The following PPARGC1B variants were observed in gnomAD, a reference collection of about 807,000 sequenced individuals.
PPARGC1B encodes peroxisome proliferator-activated receptor gamma coactivator 1-beta.
A neutral mutation model predicts 101.6 loss-of-function variants in PPARGC1B; 34 were observed. The ratio of observed to expected loss-of-function variants is 0.33; its 90% CI spans 0.25 to 0.45. The LOEUF (loss-of-function observed/expected upper bound fraction) is 0.45. Among genes scored for constraint, PPARGC1B ranks in the 20% least tolerant of loss-of-function variants. The pLI, the probability that PPARGC1B is intolerant of heterozygous loss-of-function variation, is 1.00. For synonymous variants in PPARGC1B, 548 were observed against 539.3 expected (o/e 1.02, Z -0.22); for missense variants, 1,234 against 1,317.6 (o/e 0.94, Z 0.98).
chr5:149,779,263 G>A (rs1286133134), intron 1 of PPARGC1B, among the ~76,000 whole-genome samples: 2 of 152,204 alleles, frequency 1.3e-5, no homozygotes, highest in Non-Finnish European at 1.5e-5. Context: ...ATGGGGATGA[G>A]GCTTGTTAGA....
At chr5:149,741,028 C>T (rs533152282) in intron 1 of PPARGC1B, among the ~76,000 whole-genome samples, 17 of 152,246 alleles carry the variant, frequency 1.1e-4, no homozygotes, top group Admixed American at 2.6e-4. Flanking sequence ...ACAGGGCCCT[C>T]GGCTGCTGTC....
chr5:149,746,774 T>C (rs1024565593), intron 1 of PPARGC1B, among the ~76,000 whole-genome samples: 2 of 152,174 alleles, frequency 1.3e-5, no homozygotes, highest in African/African-American at 4.8e-5. Flanking sequence ...TGTTTTCTGT[T>C]TGTTTCTTTA....
intron 1 of PPARGC1B, among the ~76,000 whole-genome samples, chr5:149,784,560 C>CTTTTTTTTTTTTTTTT (rs72364863): frequency 5.2e-4 from 39 of 75,704 alleles, no homozygotes; most frequent in Middle Eastern, 9.8e-3. Context: ...AACTGAGTTT[C>CTTTTTTTTTTTTTTTT]TTTTTTTTTT....
chr5:149,791,517 A>T (rs557542605), intron 1 of PPARGC1B, among the ~76,000 whole-genome samples: 2 of 152,178 alleles, frequency 1.3e-5, no homozygotes, highest in African/African-American at 4.8e-5. Context: ...GGAGCTCCAG[A>T]GCATACCCAC....
chr5:149,783,137 C>T (rs565796756), intron 1 of PPARGC1B, among the ~76,000 whole-genome samples: 1 of 151,922 alleles, frequency 6.6e-6, no homozygotes, highest in African/African-American at 2.4e-5. Flanking sequence ...GCCTTCTTCA[C>T]CCCTGGGCCA....
At chr5:149,835,185 A>G in intron 6 of PPARGC1B, 116 bp from the exon 7 acceptor site, 1 of 908,932 alleles carries the variant, frequency 1.1e-6, no homozygotes, top group Non-Finnish European at 1.8e-6. Context: ...CTCCATTTCC[A>G]TGGGCAGTGG....
At chr5:149,739,114 A>T (rs1034599552) in intron 1 of PPARGC1B, among the ~76,000 whole-genome samples, 1 of 152,234 alleles carries the variant, frequency 6.6e-6, no homozygotes, top group African/African-American at 2.4e-5. Flanking sequence ...TTTGTATTTT[A>T]AACATTTGAC....
intron 2 of PPARGC1B, among the ~76,000 whole-genome samples, chr5:149,821,008 C>T (rs1581094459): frequency 6.6e-6 from 1 of 152,186 alleles, no homozygotes; most frequent in East Asian, 1.9e-4. Context: ...AAAGTTAAGT[C>T]ATGTGCCTAG....
chr5:149,739,746 C>G (rs1754847671), intron 1 of PPARGC1B, among the ~76,000 whole-genome samples: 1 of 152,222 alleles, frequency 6.6e-6, no homozygotes, highest in South Asian at 2.1e-4. Context: ...CCTGGACAGA[C>G]TGCATTTTCT....
Position 149,849,577 on chromosome 5 carries a change from C to T in PPARGC1B, c.*2019C>T, listed in dbSNP as rs955545144. 1 of 152,238 alleles carries T rather than the reference C, an allele frequency of 6.6e-6. No homozygotes were observed. Among genetic ancestry groups the T allele is most frequent in the African/African-American group, 2.4e-5 (1 of 41,458 alleles). 9.4% of individuals were successfully genotyped at this position (152,238 alleles called of 1,614,324 possible). On this transcript the variant is annotated 3_prime_UTR_variant, in exon 12 of 12. Coordinates refer to ENST00000309241, the MANE Select transcript of PPARGC1B (RefSeq NM_133263.4). ...CTATAAGAATCCTGAAATCAGTGCT[C>T]TGGTAAGTCATTACTAATTGATTAG... is the stretch of plus-strand genomic sequence containing the variant.
chr5:149,814,368 C>T (rs1001303299), intron 1 of PPARGC1B, among the ~76,000 whole-genome samples: 1 of 152,172 alleles, frequency 6.6e-6, no homozygotes, highest in Non-Finnish European at 1.5e-5. Context: ...GCGTGTTTCC[C>T]CCCTATGTGG....
At chr5:149,792,288 G>A (rs1003958718) in intron 1 of PPARGC1B, among the ~76,000 whole-genome samples, 9 of 152,142 alleles carry the variant, frequency 5.9e-5, no homozygotes, top group South Asian at 2.1e-4. Flanking sequence ...GGGAGACTTC[G>A]GAATTTTCTA....
chr5:149,746,411 C>G lies in PPARGC1B; in HGVS notation c.78+15991C>G, dbSNP rs1015869922. ...AGCATAGTGTCATCAAGGCTCATCT[C>G]TATTGGGGCAAATGTCAGGATTTCC... On this transcript the variant is annotated intron_variant, in intron 1 of 11. Coordinates refer to ENST00000309241, the MANE Select transcript of PPARGC1B (RefSeq NM_133263.4). 2.0e-5 allele frequency among the ~76,000 whole-genome samples: 3 copies of G among 152,324 alleles called. No homozygotes were observed. In the South Asian group the frequency reaches 6.2e-4, roughly 32 times the overall value.
At chr5:149,737,200 A>G (rs1754749671) in intron 1 of PPARGC1B, among the ~76,000 whole-genome samples, 1 of 152,116 alleles carries the variant, frequency 6.6e-6, no homozygotes, top group Non-Finnish European at 1.5e-5. Context: ...TCACTTGCTG[A>G]TAGGAATTTA....
Position 149,845,881 on chromosome 5 carries a change from C to T in PPARGC1B, c.2938C>T (p.Arg980Trp), listed in dbSNP as rs552985903. Residue 980 changes from arginine to tryptophan, a missense_variant, in exon 11 of 12, where the codon CGG (arginine) becomes TGG (tryptophan). By Grantham distance (101) the Arg-to-Trp change is moderately radical. Around this residue, in one of 3 missense-constraint regions of PPARGC1B, gnomAD observed 497 missense variants for 529.5 expected, o/e 0.94. Coordinates refer to ENST00000309241, the MANE Select transcript of PPARGC1B (RefSeq NM_133263.4). ...PSFQLSYGGL[R>W]HFCWPRYTDY... ...CTTCCAGCTGAGCTACGGAGGGCTC[C>T]GGCACTTCTGCTGGCCCAGATACAC... The T allele has an allele frequency of 3.6e-5, 58 of 1,614,228 alleles. No homozygotes were observed. Among genetic ancestry groups the T allele is most frequent in the East Asian group, 3.6e-4 (16 of 44,886 alleles).
rs1471534108 is a variant in PPARGC1B at position 149,826,824 on chromosome 5, C to T, written c.404C>T (p.Pro135Leu). The T allele has an allele frequency of 1.9e-6, 3 of 1,613,866 alleles. No homozygotes were observed. The South Asian group carries it at 3.3e-5, about 18-fold the overall frequency. ...TSASPAPSSA[P>L]PSPAPEKPSA... ...GCTTCGCCTGCCCCCTCATCTGCAC[C>T]CCCCAGCCCTGCCCCGGAGAAGCCC... The change falls in exon 3 of 12, where the codon CCC becomes CTC. Residue 135 changes from proline (P) to leucine (L), a missense_variant. Around this residue, in one of 3 missense-constraint regions of PPARGC1B, gnomAD observed 734 missense variants for 768.4 expected, o/e 0.96. Coordinates refer to ENST00000309241, the MANE Select transcript of PPARGC1B (RefSeq NM_133263.4).
At chr5:149,753,404 C>T (rs1755388942) in intron 1 of PPARGC1B, among the ~76,000 whole-genome samples, 1 of 152,042 alleles carries the variant, frequency 6.6e-6, no homozygotes, top group Non-Finnish European at 1.5e-5. Flanking sequence ...GGCAGGGTTT[C>T]ACCATGTTGG....
Position 149,836,827 on chromosome 5 carries a change from T to A in PPARGC1B, c.2372T>A (p.Val791Asp), listed in dbSNP as rs933908335. ...TGCAAGAGCCCTGAGTATGACACTG[T>A]CTTTGAAGACAGCAGCAGCAGCAGC... ...ASCKSPEYDT[V>D]FEDSSSSSGE... is the part of the protein sequence containing the mutation. The change falls in exon 8 of 12, where the codon GTC becomes GAC. Residue 791 changes from valine to aspartate, a missense_variant. Around this residue, in one of 3 missense-constraint regions of PPARGC1B, gnomAD observed 497 missense variants for 529.5 expected, o/e 0.94. Coordinates refer to ENST00000309241, the MANE Select transcript of PPARGC1B (RefSeq NM_133263.4). 1.2e-6 allele frequency: 2 copies of A among 1,613,376 alleles called. No individual in the cohort carries two copies. Among genetic ancestry groups the A allele is most frequent in the Non-Finnish European group, 1.7e-6 (2 of 1,179,998 alleles).
intron 1 of PPARGC1B, among the ~76,000 whole-genome samples, chr5:149,765,824 G>A (rs1383769239): frequency 1.5e-5 from 2 of 136,866 alleles, no homozygotes; most frequent in Admixed American, 8.4e-5. Flanking sequence ...TCGCGCCATT[G>A]CACTTCAGCC....
Sources: gnomAD v4.1 joint callset for allele counts (sites outside exome capture counted in the v4.1 genomes callset) on GRCh38, gnomAD v4.1.1 for gene constraint, gnomAD v4.1.1 regional missense constraint, MANE v1.5 for transcripts, NCBI Gene and HGNC (gene_info 2026-07-23, HGNC 2026-07-21) for gene names.